Variants in SERINC5 observed in about 807,000 individuals in gnomAD.
SERINC5 encodes the protein serine incorporator 5, also known as chromosome 5 open reading frame 12.
SERINC5 carries 41 observed loss-of-function variants against 63.1 expected under a neutral mutation model. That is an observed-to-expected ratio of 0.65 (90% CI 0.51 to 0.84). The LOEUF (loss-of-function observed/expected upper bound fraction) is 0.84. SERINC5 is among the 40% of genes least tolerant of loss of function. The pLI is 0.00. For missense variants in SERINC5, 523 were observed against 573.0 expected, an observed-to-expected ratio of 0.91 and a Z score of 0.89; for synonymous variants, 222 against 215.2, an observed-to-expected ratio of 1.03 and a Z score of -0.28.
chr5:80,210,391 A>ACC (rs1265418806), intron 1 of SERINC5, among the ~76,000 whole-genome samples: 1 of 152,164 alleles, frequency 6.6e-6, no homozygotes, highest in East Asian at 1.9e-4. Flanking sequence ...ACACACACAC[A>ACC]TTCTACAAAA....
chr5:80,215,886 C>T (rs974783686), intron 1 of SERINC5, among the ~76,000 whole-genome samples: 2 of 152,126 alleles, frequency 1.3e-5, no homozygotes, highest in Non-Finnish European at 2.9e-5. Flanking sequence ...AAAGATGTTC[C>T]CCTTTTTTGG....
rs377434100 is a variant in SERINC5 at position 80,231,623 on chromosome 5, T to TA, written c.27+24272dup. ...TAATTCTTCCAACGTACAGTCAAATTAAAAAAAAAAAAAATCAATAGAATC... is the reference window on the plus strand; with the variant it reads ...TAATTCTTCCAACGTACAGTCAAATTAAAAAAAAAAAAAAATCAATAGAATC... On this transcript the variant is annotated intron_variant, in intron 1 of 11. Transcript: ENST00000507668. Among the ~76,000 whole-genome samples, 620 of 140,276 alleles carry TA rather than the reference T, an allele frequency of 4.4e-3. 5 individuals are homozygous for TA. Among genetic ancestry groups the TA allele is most frequent in the African/African-American group, 0.014 (525 of 38,510 alleles). 92.0% of individuals were successfully genotyped at this position (140,276 alleles called of 152,430 possible).
intron 1 of SERINC5, among the ~76,000 whole-genome samples, chr5:80,250,606 G>C (rs539594963): frequency 6.6e-6 from 1 of 152,194 alleles, no homozygotes; most frequent in South Asian, 2.1e-4. Flanking sequence ...GATTATAGGC[G>C]TGAGCCACCA....
chr5:80,224,943 TTG>T, intron 1 of SERINC5, among the ~76,000 whole-genome samples: 5 of 102,328 alleles, frequency 4.9e-5, no homozygotes, highest in African/African-American at 1.8e-4. Flanking sequence ...TTGTTTTTTT[TTG>T]TTTTTTTTTT....
chr5:80,179,137 A>G (rs1035424851), intron 2 of SERINC5, among the ~76,000 whole-genome samples: 1 of 152,072 alleles, frequency 6.6e-6, no homozygotes, highest in African/African-American at 2.4e-5. Flanking sequence ...TGTCTCTACT[A>G]AAAATACAAT....
intron 2 of SERINC5, among the ~76,000 whole-genome samples, chr5:80,188,198 G>A (rs1052485879): frequency 1.3e-5 from 2 of 149,016 alleles, no homozygotes; most frequent in Admixed American, 6.8e-5. Context: ...CAGGAGAATC[G>A]CTTGAACCCG....
intron 1 of SERINC5, among the ~76,000 whole-genome samples, chr5:80,205,976 A>C (rs1260400302): frequency 4.0e-5 from 2 of 50,284 alleles, no homozygotes; most frequent in Non-Finnish European, 7.9e-5. Flanking sequence ...GGTGGTGCAC[A>C]AAAAAAAAAA....
intron 5 of SERINC5, among the ~76,000 whole-genome samples, chr5:80,171,022 T>C (rs1405016217): frequency 6.6e-6 from 1 of 152,102 alleles, no homozygotes; most frequent in Non-Finnish European, 1.5e-5. Flanking sequence ...TTATTTTATT[T>C]TTTTTTGAGA....
chr5:80,140,258 G>C lies in SERINC5; in HGVS notation c.*3405C>G, dbSNP rs1003856735. The C allele has an allele frequency of 1.1e-6, 1 of 892,350 alleles. No individual in the cohort carries two copies. The highest frequency in any genetic ancestry group is 1.3e-6 in the Non-Finnish European group (1 of 770,974). The allele number at this position is 892,350 out of a possible 1,614,324, so 55.3% of individuals were successfully genotyped here. ...GGAGGTCAAGCCTGCCATGAGTCAA[G>C]ATCATGTCACTGCACTCCAGCGTGG... is the stretch of plus-strand genomic sequence containing the variant. On this transcript the variant is annotated 3_prime_UTR_variant, in exon 12 of 12. Transcript: ENST00000507668.
At chr5:80,222,729 C>T (rs1191582373) in intron 1 of SERINC5, among the ~76,000 whole-genome samples, 1 of 152,014 alleles carries the variant, frequency 6.6e-6, no homozygotes, top group African/African-American at 2.4e-5. Flanking sequence ...CCTGCCACCA[C>T]ACCTGGCTAA....
chr5:80,209,003 G>C (rs1355130724), intron 1 of SERINC5, among the ~76,000 whole-genome samples: 3 of 152,172 alleles, frequency 2.0e-5, no homozygotes, highest in African/African-American at 7.2e-5. Context: ...AGGCGCGGTG[G>C]ATCACGCATG....
At chr5:80,224,945 GTTTTTTTTT>G (rs368546307) in intron 1 of SERINC5, among the ~76,000 whole-genome samples, 1 of 132,598 alleles carries the variant, frequency 7.5e-6, no homozygotes, top group Admixed American at 7.5e-5. Context: ...GTTTTTTTTT[GTTTTTTTTT>G]TTTTTAGACA....
At chr5:80,219,828 C>T (rs1038236373) in intron 1 of SERINC5, among the ~76,000 whole-genome samples, 3 of 152,004 alleles carry the variant, frequency 2.0e-5, no homozygotes, top group Non-Finnish European at 4.4e-5. Context: ...AATAACCTTA[C>T]ATCACCACCC....
At chr5:80,231,313 C>T (rs1751429387) in intron 1 of SERINC5, among the ~76,000 whole-genome samples, 2 of 152,212 alleles carry the variant, frequency 1.3e-5, no homozygotes, top group Admixed American at 1.3e-4. Context: ...GTGCTGACAA[C>T]CCCATTACTC....
At chr5:80,211,859 T>TGTATCCACTTAG (rs1750446616) in intron 1 of SERINC5, among the ~76,000 whole-genome samples, 2 of 152,238 alleles carry the variant, frequency 1.3e-5, no homozygotes, top group Non-Finnish European at 2.9e-5. Flanking sequence ...CACTTAGGAA[T>TGTATCCACTTAG]GAAAGAAGTA....
At chr5:80,248,532 C>T (rs1752255787) in intron 1 of SERINC5, among the ~76,000 whole-genome samples, 1 of 152,094 alleles carries the variant, frequency 6.6e-6, no homozygotes, top group Non-Finnish European at 1.5e-5. Flanking sequence ...ATTTTCATAC[C>T]CCAATAGACC....
chr5:80,189,467 C>T (rs1749046576), intron 2 of SERINC5, among the ~76,000 whole-genome samples: 1 of 152,214 alleles, frequency 6.6e-6, no homozygotes, highest in African/African-American at 2.4e-5. Flanking sequence ...CTACGGAGGT[C>T]TGAACTTTCG....
At chr5:80,229,341 ATTT>A (rs59664490) in intron 1 of SERINC5, among the ~76,000 whole-genome samples, 1 of 120,224 alleles carries the variant, frequency 8.3e-6, no homozygotes. Context: ...TACTTACACA[ATTT>A]TTTTTTTTTT....
At chr5:80,190,454 T>C (rs760751196) in intron 2 of SERINC5, among the ~76,000 whole-genome samples, 1 of 152,176 alleles carries the variant, frequency 6.6e-6, no homozygotes, top group Non-Finnish European at 1.5e-5. Flanking sequence ...CTTCATTCCG[T>C]ACTATATGTT....
Sources: gnomAD v4.1 joint callset for allele counts (sites outside exome capture counted in the v4.1 genomes callset) on GRCh38, gnomAD v4.1.1 for gene constraint, MANE v1.5 for transcripts, NCBI Gene and HGNC (gene_info 2026-07-23, HGNC 2026-07-21) for gene names.